Variants in KREMEN1 observed in about 807,000 individuals in gnomAD.
KREMEN1 encodes kringle containing transmembrane protein 1.
In KREMEN1, 30 loss-of-function variants were observed where a neutral mutation model predicts 46.5. That is an observed-to-expected ratio of 0.65 (90% CI 0.48 to 0.88). KREMEN1 has a LOEUF of 0.88. KREMEN1 is among the 40% of genes least tolerant of loss of function. The probability of loss-of-function intolerance (pLI) is 0.00; values close to 1 mark genes in which losing one functional copy is unlikely to be tolerated. For missense variants in KREMEN1, 533 were observed against 596.9 expected (o/e 0.89, Z 1.11); for synonymous variants, 214 against 230.6 (o/e 0.93, Z 0.65).
At chr22:29,149,530 A>G (rs1450883663), downstream of KREMEN1, among the ~76,000 whole-genome samples, 1 of 152,140 alleles carries the variant, frequency 6.6e-6, no homozygotes, top group Non-Finnish European at 1.5e-5. Context: ...TCTCTCTCCT[A>G]GAGGCTCTTT....
intron 3 of KREMEN1, among the ~76,000 whole-genome samples, chr22:29,110,414 A>G (rs1480935724): frequency 6.6e-6 from 1 of 152,254 alleles, no homozygotes. Flanking sequence ...GGGGAAATCT[A>G]TTAAAGTGGG....
chr22:29,164,072 C>T (rs2039033811), intron 9 of KREMEN1, among the ~76,000 whole-genome samples: 1 of 152,252 alleles, frequency 6.6e-6, no homozygotes, highest in Non-Finnish European at 1.5e-5. Context: ...ACCTCAGCCT[C>T]CCGAGTAGCT....
chr22:29,087,369 TA>T (rs1464050267), intron 1 of KREMEN1, among the ~76,000 whole-genome samples: 1 of 152,222 alleles, frequency 6.6e-6, no homozygotes, highest in Non-Finnish European at 1.5e-5. Flanking sequence ...TGTAGAGATC[TA>T]ACTAGTAATT....
At chr22:29,105,648 T>C (rs1383524460) in intron 3 of KREMEN1, among the ~76,000 whole-genome samples, 2 of 152,166 alleles carry the variant, frequency 1.3e-5, no homozygotes, top group African/African-American at 4.8e-5. Context: ...CTGGACCTGA[T>C]CCAGGAAGAT....
At chr22:29,099,262 G>T in intron 3 of KREMEN1, 2 of 262,350 alleles carry the variant, frequency 7.6e-6, no homozygotes, top group South Asian at 6.9e-5. Flanking sequence ...AGCAGCCTAG[G>T]GGAGAAAAAT....
At chr22:29,129,694 T>C (rs970532031) in intron 5 of KREMEN1, among the ~76,000 whole-genome samples, 1 of 152,086 alleles carries the variant, frequency 6.6e-6, no homozygotes, top group Non-Finnish European at 1.5e-5. Flanking sequence ...TGTTTGCTCT[T>C]TGGCAGACAG....
chr22:29,127,724 C>T lies in KREMEN1; in HGVS notation c.631+2308C>T, dbSNP rs928268662. 2.0e-5 allele frequency among the ~76,000 whole-genome samples: 3 copies of T among 152,102 alleles called. No individual in the cohort carries two copies. The East Asian group carries it at 5.8e-4, about 29-fold the overall frequency. On this transcript the variant is annotated intron_variant, in intron 5 of 8. Transcript: ENST00000400335. Reference sequence around the variant, plus strand: ...AGAGTAACTGTATGACCCAGCAATTCCATTCTTAGGTATATACCTGAGAGA... The same window carrying T: ...AGAGTAACTGTATGACCCAGCAATTTCATTCTTAGGTATATACCTGAGAGA...
At chr22:29,121,504 A>G in intron 4 of KREMEN1, 23 bp downstream of exon 4, 1 of 1,609,006 alleles carries the variant, frequency 6.2e-7, no homozygotes, top group South Asian at 1.1e-5. Flanking sequence ...TGGCTGTGTA[A>G]CTATAGAAAA....
At chr22:29,083,030 C>T (rs1416015736) in intron 1 of KREMEN1, among the ~76,000 whole-genome samples, 1 of 152,178 alleles carries the variant, frequency 6.6e-6, no homozygotes, top group East Asian at 1.9e-4. Flanking sequence ...TTGCCCCAGC[C>T]TCCCGAGTAG....
intron 3 of KREMEN1, among the ~76,000 whole-genome samples, chr22:29,110,674 G>A (rs576672629): frequency 1.3e-5 from 2 of 152,280 alleles, no homozygotes; most frequent in East Asian, 1.9e-4. Context: ...TGTAAGACTC[G>A]GGGGCACAAT....
chr22:29,077,388 C>T (rs955597052), intron 1 of KREMEN1, among the ~76,000 whole-genome samples: 7 of 152,188 alleles, frequency 4.6e-5, no homozygotes, highest in African/African-American at 1.7e-4. Context: ...CTCACTCTGT[C>T]ACCCAAGCTG....
chr22:29,098,495 A>T (rs2037918349), intron 2 of KREMEN1, among the ~76,000 whole-genome samples: 1 of 152,196 alleles, frequency 6.6e-6, no homozygotes, highest in Non-Finnish European at 1.5e-5. Context: ...CATATTCATC[A>T]GCGGCATTGA....
chr22:29,090,468 G>C (rs1351005675), intron 1 of KREMEN1, among the ~76,000 whole-genome samples: 1 of 152,164 alleles, frequency 6.6e-6, no homozygotes, highest in East Asian at 1.9e-4. Context: ...ACACCCCTGT[G>C]ACATGAGTTT....
chr22:29,146,149 G>A lies in KREMEN1; in HGVS notation c.*4037G>A, dbSNP rs551400649. 156 of 985,924 alleles carry A rather than the reference G, an allele frequency of 1.6e-4. No individual in the cohort carries two copies. In the African/African-American group the frequency reaches 2.5e-3, roughly 16 times the overall value. The allele number at this position is 985,924 out of a possible 1,614,324, so 61.1% of individuals were successfully genotyped here. On this transcript the variant is annotated 3_prime_UTR_variant, in exon 9 of 9. Coordinates refer to ENST00000400335, the MANE Select transcript of KREMEN1 (RefSeq NM_001039570.3). Reference sequence around the variant, plus strand: ...GGCACCGTTAGGTTTCAGATCTCCCGTGTGGTGTTTGATGTCGGCTTTTGT... The same window carrying A: ...GGCACCGTTAGGTTTCAGATCTCCCATGTGGTGTTTGATGTCGGCTTTTGT...
At position 29,137,379 on chromosome 22, in the gene KREMEN1, G is replaced by C. The variant is rs1209076028; in HGVS notation, c.669G>C (p.Met223Ile). ...CCTGCGGTGGGAACTACTCAGCCAT[G>C]TCTTCTGTGGTCTATTCCCCTGACT... is the stretch of plus-strand genomic sequence containing the variant. ...VGACGGNYSA[M>I]SSVVYSPDFP... Residue 223 changes from methionine to isoleucine, a missense_variant, in exon 6 of 9, where the codon ATG (methionine) becomes ATC (isoleucine). Transcript: ENST00000400335. The C allele has an allele frequency of 6.6e-7, 1 of 1,526,244 alleles. No homozygotes were observed. Among genetic ancestry groups the C allele is most frequent in the East Asian group, 2.3e-5 (1 of 43,494 alleles). 94.5% of individuals were successfully genotyped at this position (1,526,244 alleles called of 1,614,324 possible). A position where few individuals can be genotyped will look rare whatever the true frequency, so the allele number is the denominator to read the frequency against.
intron 2 of KREMEN1, 92 bp from the exon 3 acceptor site, chr22:29,098,770 C>G (rs2037925483): frequency 3.2e-6 from 3 of 947,870 alleles, no homozygotes; most frequent in Non-Finnish European, 5.1e-6. Flanking sequence ...AATACAGAAG[C>G]TAAAGCATTT....
rs573448548 is a variant in KREMEN1, at chr22:29,092,420, A to G, written c.98-1838A>G. Among the ~76,000 whole-genome samples the G allele has an allele frequency of 2.0e-5, 3 of 152,300 alleles. No homozygotes were observed. In the East Asian group the frequency reaches 5.8e-4, roughly 29 times the overall value. ...ACTTAGACAGAGTTTGGCACATGGT[A>G]AAACACTGTGTAAATATTAGAAGTG... On this transcript the variant is annotated intron_variant, in intron 1 of 8. Transcript: ENST00000400335.
chr22:29,094,310 A>G lies in KREMEN1; in HGVS notation c.150A>G (p.Ala50=), dbSNP rs2037844497. The change falls in exon 2 of 9, where the codon GCA becomes GCG. Residue 50 remains alanine (A), a synonymous_variant. Coordinates refer to ENST00000400335, the MANE Select transcript of KREMEN1 (RefSeq NM_001039570.3). ...ATAGGGGAACACAGAACTGGACAGC[A>G]CTACAAGGCGGGAAGCCATGTCTGT... The part of the protein sequence containing the change: ...ADYRGTQNWT[A]LQGGKPCLFW... The G allele has an allele frequency of 1.9e-6, 3 of 1,613,904 alleles. No homozygotes were observed. The highest frequency in any genetic ancestry group is 2.2e-5 in the South Asian group (2 of 91,078).
Position 29,144,561 on chromosome 22 carries a change from C to T in KREMEN1, c.*2449C>T, listed in dbSNP as rs1285083927. On this transcript the variant is annotated 3_prime_UTR_variant, in exon 9 of 9. Coordinates refer to ENST00000400335, the MANE Select transcript of KREMEN1 (RefSeq NM_001039570.3). ...GAGGACCGCTGGAAACATACCAACACGTGCAGTCTCCCCTCCAAGCTATTC... is the reference window on the plus strand; with the variant it reads ...GAGGACCGCTGGAAACATACCAACATGTGCAGTCTCCCCTCCAAGCTATTC... The T allele has an allele frequency of 9.1e-6, 9 of 985,424 alleles. No homozygotes were observed. Among genetic ancestry groups the T allele is most frequent in the Non-Finnish European group, 1.1e-5 (9 of 829,996 alleles). 61.0% of individuals were successfully genotyped at this position (985,424 alleles called of 1,614,324 possible).
Sources: gnomAD v4.1 joint callset for allele counts (sites outside exome capture counted in the v4.1 genomes callset) on GRCh38, gnomAD v4.1.1 for gene constraint, MANE v1.5 for transcripts, NCBI Gene and HGNC (gene_info 2026-07-23, HGNC 2026-07-21) for gene names.